LAMB4: variants seen among roughly 807,000 people sequenced by gnomAD.
LAMB4 encodes the protein laminin subunit beta 4.
LAMB4 carries 196 observed loss-of-function variants against 199.2 expected under a neutral mutation model. The observed-to-expected ratio is 0.98, with a 90% CI of 0.88 to 1.11. The LOEUF (loss-of-function observed/expected upper bound fraction) is 1.11. Ranked by LOEUF, LAMB4 falls within the 50% of genes least tolerant of loss-of-function variation. LAMB4 has a pLI of 0.00. For missense variants in LAMB4, 2,080 were observed against 2,171.2 expected (o/e 0.96, Z 0.83); for synonymous variants, 744 against 770.6 (o/e 0.97, Z 0.57).
rs1326491713 is a variant in LAMB4 at position 108,055,715 on chromosome 7, C to T, written c.3672G>A (p.Val1224=). Residue 1224 remains valine (V), a synonymous_variant, in exon 25 of 34, where the codon GTG becomes GTA. Transcript: ENST00000388781. The part of the protein sequence containing the change: ...EADFKDLRGN[V]SEIERILKHP... The stretch of plus-strand genomic sequence containing the variant: ...GTTTCAAAATCCTTTCTATTTCAGA[C>T]ACGTTCCCTCTGAGGTCTTTGAAGT... 1.9e-6 allele frequency: 3 copies of T among 1,614,110 alleles called. No homozygotes were observed. The highest frequency in any genetic ancestry group is 8.5e-7 in the Non-Finnish European group (1 of 1,179,950).
At chr7:108,012,168 CAT>C in the LAMB4 span, among the ~76,000 whole-genome samples, 22 of 151,150 alleles carry the variant, frequency 1.5e-4, no homozygotes, top group Admixed American at 3.3e-4. Context: ...AAAATATAAA[CAT>C]ATTTATATAA....
Position 108,055,888 on chromosome 7 carries a change from G to T in LAMB4, c.3499C>A (p.Gln1167Lys), listed in dbSNP as rs767707406. ...CATTGAAGACAAGTAGGGAATTCCT[G>T]GCTGTGTCCCCGGGCACAGCGATCA... ...RCDRCARGHS[Q>K]EFPTCLQCHL... The change falls in exon 25 of 34, where the codon CAG (glutamine) becomes AAG (lysine). Residue 1167 changes from glutamine (Q) to lysine (K), a missense_variant. Transcript: ENST00000388781. The T allele has an allele frequency of 4.3e-6, 7 of 1,614,034 alleles. No homozygotes were observed. In the African/African-American group the frequency reaches 9.3e-5, roughly 22 times the overall value.
At chr7:108,025,685 C>G (rs2034814659) in intron 33 of LAMB4, among the ~76,000 whole-genome samples, 1 of 152,124 alleles carries the variant, frequency 6.6e-6, no homozygotes, top group African/African-American at 2.4e-5. Flanking sequence ...GTCTCAGCCT[C>G]TCAAAGTGCT....
At chr7:108,013,455 A>G in the LAMB4 span, among the ~76,000 whole-genome samples, 3 of 152,216 alleles carry the variant, frequency 2.0e-5, no homozygotes, top group Admixed American at 6.5e-5. Flanking sequence ...ATGCATGAAT[A>G]TTAATACATA....
At chr7:108,126,932 G>A (rs2395957) in intron 1 of LAMB4, among the ~76,000 whole-genome samples, 5,610 of 152,170 alleles carry the variant, frequency 0.037, 340 homozygotes, top group African/African-American at 0.12. Flanking sequence ...TAAACTACCA[G>A]TGCTCAGGCC....
chr7:108,034,171 A>C (rs369664071), intron 31 of LAMB4, 37 bp downstream of exon 31: 3 of 1,608,476 alleles, frequency 1.9e-6, no homozygotes, highest in Non-Finnish European at 2.6e-6. Flanking sequence ...TTTACCCTCA[A>C]AACCTATTTC....
At chr7:108,089,087 T>C (rs1377250763) in intron 14 of LAMB4, among the ~76,000 whole-genome samples, 2 of 152,162 alleles carry the variant, frequency 1.3e-5, no homozygotes, top group East Asian at 3.9e-4. Context: ...TAAGTGAAAA[T>C]GCTATATAAA....
At chr7:108,104,716 C>A in intron 8 of LAMB4, 97 bp from the exon 9 acceptor site, 1 of 1,370,426 alleles carries the variant, frequency 7.3e-7, no homozygotes, top group South Asian at 1.5e-5. Context: ...CCTGGTACCT[C>A]TCTGATCCTT....
At position 108,066,573 on chromosome 7, in the gene LAMB4, T is replaced by C. The variant is rs767701148; in HGVS notation, c.2474A>G (p.Lys825Arg). The C allele has an allele frequency of 9.9e-6, 16 of 1,611,696 alleles. No individual in the cohort carries two copies. In the Middle Eastern group the frequency reaches 4.9e-4, roughly 50 times the overall value. Residue 825 changes from lysine to arginine, a missense_variant, in exon 20 of 34, where the codon AAG becomes AGG. Physicochemically the swap from Lys to Arg is conservative, Grantham distance 26. Coordinates refer to ENST00000388781, the MANE Select transcript of LAMB4 (RefSeq NM_007356.3). ...HPCHCHPQGS[K>R]DTVCDQVTGQ... is the part of the protein sequence containing the mutation. ...TGTTACTTGGTCACATACAGTGTCC[T>C]TTGATCCTTGAGGATGGCAGTGACA...
rs761365275 is a variant in LAMB4, at chr7:108,062,858, A to G, written c.3198T>C (p.Asp1066=). 4 of 1,589,016 alleles carry G rather than the reference A, an allele frequency of 2.5e-6. No individual in the cohort carries two copies. The highest frequency in any genetic ancestry group is 3.4e-6 in the Non-Finnish European group (4 of 1,169,058). ...TGCCAGGGACCAGATTCCAGTATCC[A>G]TCAGCACAACGGTCACAGGCCAGGC... ...VTGLACDRCA[D]GYWNLVPGRG... is the part of the protein sequence containing the mutation. The change falls in exon 23 of 34, where the codon GAT becomes GAC. Residue 1066 remains aspartate (D), a synonymous_variant. Coordinates refer to ENST00000388781, the MANE Select transcript of LAMB4 (RefSeq NM_007356.3).
chr7:108,031,029 CAAG>C, intron 31 of LAMB4, 50 bp from the exon 32 acceptor site: 3 of 1,548,744 alleles, frequency 1.9e-6, no homozygotes, highest in Non-Finnish European at 1.8e-6. Context: ...ATGAAACAAA[CAAG>C]AAGATAAACG....
chr7:108,059,097 CTTT>C (rs57814646), intron 23 of LAMB4, among the ~76,000 whole-genome samples: 3,248 of 106,994 alleles, frequency 0.03, 68 homozygotes, highest in African/African-American at 0.11. Context: ...CAATCTGCCA[CTTT>C]TTTTTTTTTT....
chr7:108,111,259 C>T (rs576060463), intron 4 of LAMB4, among the ~76,000 whole-genome samples: 12 of 152,294 alleles, frequency 7.9e-5, no homozygotes, highest in East Asian at 3.9e-4. Context: ...GGATGGTCAG[C>T]GCCAATGTAG....
At chr7:108,069,670 G>A (rs2036463309) in intron 18 of LAMB4, 38 bp downstream of exon 18, 2 of 1,570,562 alleles carry the variant, frequency 1.3e-6, no homozygotes, top group Non-Finnish European at 1.7e-6. Flanking sequence ...TTGTATGGAT[G>A]TCAGTGCCTC....
chr7:108,068,217 C>A, intron 18 of LAMB4, 58 bp from the exon 19 acceptor site: 1 of 1,574,480 alleles, frequency 6.4e-7, no homozygotes, highest in Admixed American at 1.7e-5. Flanking sequence ...AAGCACCTCA[C>A]CTTGTTAGTA....
intron 23 of LAMB4, among the ~76,000 whole-genome samples, chr7:108,059,024 C>T (rs752452545): frequency 5.9e-5 from 9 of 151,938 alleles, no homozygotes; most frequent in Non-Finnish European, 1.3e-4. Context: ...TGCTTGTTGC[C>T]CCGAGGCCTG....
intron 4 of LAMB4, among the ~76,000 whole-genome samples, chr7:108,110,718 C>T (rs961369437): frequency 6.6e-6 from 1 of 151,966 alleles, no homozygotes; most frequent in Non-Finnish European, 1.5e-5. Flanking sequence ...ATGTGGGGGT[C>T]AAAACAGCCA....
At chr7:108,115,857 G>T in intron 3 of LAMB4, 147 bp downstream of exon 3, 2 of 829,460 alleles carry the variant, frequency 2.4e-6, no homozygotes, top group Non-Finnish European at 3.7e-6. Flanking sequence ...AACGCCCCGT[G>T]GATACTGAGG....
intron 23 of LAMB4, among the ~76,000 whole-genome samples, chr7:108,059,628 A>G (rs1018632187): frequency 6.6e-6 from 1 of 152,154 alleles, no homozygotes; most frequent in Admixed American, 6.5e-5. Flanking sequence ...TGGGACAGTA[A>G]CTGCCCTTAA....
Sources: gnomAD v4.1 joint callset for allele counts (sites outside exome capture counted in the v4.1 genomes callset) on GRCh38, gnomAD v4.1.1 for gene constraint, MANE v1.5 for transcripts, NCBI Gene and HGNC (gene_info 2026-07-23, HGNC 2026-07-21) for gene names.